The following PPP3CA variants were observed in gnomAD, a reference collection of about 807,000 sequenced individuals.
The protein encoded by PPP3CA is protein phosphatase 3 catalytic subunit alpha.
A neutral mutation model predicts 66.5 loss-of-function variants in PPP3CA; 14 were observed. That is an observed-to-expected ratio of 0.21 (90% CI 0.14 to 0.33). The LOEUF (loss-of-function observed/expected upper bound fraction) is 0.33. PPP3CA is among the 10% of genes least tolerant of loss of function. The probability of loss-of-function intolerance (pLI) is 1.00; values close to 1 mark genes in which losing one functional copy is unlikely to be tolerated. For missense variants in PPP3CA, 317 were observed against 639.5 expected, an observed-to-expected ratio of 0.50 and a Z score of 5.44; for synonymous variants, 232 against 226.2, an observed-to-expected ratio of 1.03 and a Z score of -0.23.
intron 3 of PPP3CA, among the ~76,000 whole-genome samples, chr4:101,101,481 G>A (rs1422625157): frequency 1.3e-5 from 2 of 152,074 alleles, no homozygotes; most frequent in Non-Finnish European, 2.9e-5. Context: ...CAAATTGGTC[G>A]TTAATTTAGG....
rs553389390 is a variant in PPP3CA at position 101,032,499 on chromosome 4, AT to A, written c.1242-136del. On this transcript the variant is annotated intron_variant, in intron 11 of 13. Transcript: ENST00000394854. Reference sequence around the variant, plus strand: ...TTGGCTCTCCGGATCTTTTTTTAAAATTTTTTTTAACATACTTTATTTTAAT... The same window carrying A: ...TTGGCTCTCCGGATCTTTTTTTAAAATTTTTTTAACATACTTTATTTTAAT... 2.3e-4 allele frequency: 153 copies of A among 677,392 alleles called. 1 individual carries two copies. Among genetic ancestry groups the A allele is most frequent in the East Asian group, 1.9e-3 (69 of 36,298 alleles). The allele number at this position is 677,392 out of a possible 1,614,324, so 42.0% of individuals were successfully genotyped here.
chr4:101,344,327 CTAA>C (rs1297353559), intron 1 of PPP3CA, among the ~76,000 whole-genome samples: 3 of 152,074 alleles, frequency 2.0e-5, no homozygotes, highest in East Asian at 1.9e-4. Flanking sequence ...TCTCAAATAA[CTAA>C]TAATAAAAAT....
At chr4:101,249,456 C>T (rs1468481070) in intron 1 of PPP3CA, among the ~76,000 whole-genome samples, 1 of 151,916 alleles carries the variant, frequency 6.6e-6, no homozygotes, top group East Asian at 1.9e-4. Context: ...GAAATTTTCA[C>T]CCATTGCAAA....
At position 101,250,698 on chromosome 4, in the gene PPP3CA, G is replaced by T. The variant is rs1481666652; in HGVS notation, c.59-54582C>A. 4.6e-5 allele frequency among the ~76,000 whole-genome samples: 7 copies of T among 152,166 alleles called. No individual in the cohort carries two copies. In the South Asian group the frequency reaches 1.5e-3, roughly 32 times the overall value. On this transcript the variant is annotated intron_variant, in intron 1 of 13. Coordinates refer to ENST00000394854, the MANE Select transcript of PPP3CA (RefSeq NM_000944.5). Reference sequence around the variant, plus strand: ...AATTAACATAATTAGCTACTTAGAAGTGACTTTAAAATAATTTTTCCATTC... The same window carrying T: ...AATTAACATAATTAGCTACTTAGAATTGACTTTAAAATAATTTTTCCATTC...
At chr4:101,187,336 G>T (rs954674660) in intron 2 of PPP3CA, among the ~76,000 whole-genome samples, 3 of 152,046 alleles carry the variant, frequency 2.0e-5, no homozygotes, top group African/African-American at 7.2e-5. Context: ...AAAAAAGTCT[G>T]TAAGATGGCT....
At chr4:101,338,469 C>G (rs910081629) in intron 1 of PPP3CA, among the ~76,000 whole-genome samples, 20 of 152,326 alleles carry the variant, frequency 1.3e-4, no homozygotes, top group African/African-American at 4.8e-4. Flanking sequence ...ATTCCTGTAA[C>G]AACTATGTAT....
intron 1 of PPP3CA, among the ~76,000 whole-genome samples, chr4:101,215,113 G>A (rs1181325599): frequency 6.6e-6 from 1 of 151,794 alleles, no homozygotes; most frequent in African/African-American, 2.4e-5. Flanking sequence ...AGTGTACCTT[G>A]AGGGAAATTC....
intron 2 of PPP3CA, among the ~76,000 whole-genome samples, chr4:101,137,892 A>G (rs1262655815): frequency 2.0e-5 from 3 of 151,848 alleles, no homozygotes; most frequent in Non-Finnish European, 4.4e-5. Flanking sequence ...CACAAAAAAA[A>G]AAAAAAACCT....
intron 1 of PPP3CA, among the ~76,000 whole-genome samples, chr4:101,225,452 C>T (rs781629659): frequency 5.3e-5 from 8 of 151,832 alleles, no homozygotes; most frequent in Non-Finnish European, 1.0e-4. Flanking sequence ...TAGTTCTTTA[C>T]AAGCCTTGGT....
At chr4:101,222,331 G>C (rs182952004) in intron 1 of PPP3CA, among the ~76,000 whole-genome samples, 1 of 151,458 alleles carries the variant, frequency 6.6e-6, no homozygotes, top group Non-Finnish European at 1.5e-5. Flanking sequence ...TTTCCCCACA[G>C]AATCAGATAT....
intron 1 of PPP3CA, among the ~76,000 whole-genome samples, chr4:101,280,556 A>C (rs1727646382): frequency 6.6e-6 from 1 of 152,196 alleles, no homozygotes; most frequent in Non-Finnish European, 1.5e-5. Flanking sequence ...GTGGTGGCTC[A>C]TGCCTGTAAT....
At chr4:101,091,391 C>T (rs149952036) in intron 6 of PPP3CA, among the ~76,000 whole-genome samples, 10 of 152,132 alleles carry the variant, frequency 6.6e-5, no homozygotes, top group South Asian at 2.1e-4. Flanking sequence ...TTATACCATG[C>T]GTCTTTAATT....
chr4:101,198,044 CT>C (rs749929282), intron 1 of PPP3CA, among the ~76,000 whole-genome samples: 1 of 151,966 alleles, frequency 6.6e-6, no homozygotes, highest in Non-Finnish European at 1.5e-5. Context: ...TTTTGAGTAG[CT>C]TATAGTACAA....
chr4:101,083,519 T>C (rs58136276), intron 6 of PPP3CA, among the ~76,000 whole-genome samples: 3,107 of 152,256 alleles, frequency 0.02, 272 homozygotes, highest in Admixed American at 0.15. Flanking sequence ...TATAAAACAT[T>C]AGGAAAGTGT....
At chr4:101,331,400 T>A (rs1339125101) in intron 1 of PPP3CA, among the ~76,000 whole-genome samples, 1 of 152,248 alleles carries the variant, frequency 6.6e-6, no homozygotes, top group African/African-American at 2.4e-5. Context: ...CCAGTCAATT[T>A]TTTTGTTGTA....
intron 1 of PPP3CA, among the ~76,000 whole-genome samples, chr4:101,229,974 A>C (rs1400206466): frequency 6.6e-6 from 1 of 151,678 alleles, no homozygotes; most frequent in African/African-American, 2.4e-5. Flanking sequence ...CTATATTTGG[A>C]ACCATTTATC....
rs543985388 is a variant in PPP3CA at position 101,322,522 on chromosome 4, T to TA, written c.58+24216_58+24217insT. Among the ~76,000 whole-genome samples, 1,135 of 151,950 alleles carry TA rather than the reference T, an allele frequency of 7.5e-3. 12 individuals carry two copies. The highest frequency in any genetic ancestry group is 0.026 in the African/African-American group (1,085 of 41,434). ...GCCTCCCGGGTTCAAGCGATTCTCG[T>TA]GCCTCAGCCTCCCAAGTAGCTGGGA... On this transcript the variant is annotated intron_variant, in intron 1 of 13. Transcript: ENST00000394854.
intron 7 of PPP3CA, 73 bp from the exon 8 acceptor site, chr4:101,080,699 T>G: frequency 2.3e-6 from 2 of 887,380 alleles, no homozygotes; most frequent in African/African-American, 1.7e-5. Flanking sequence ...GATTGAGAAA[T>G]AGAAAATTAG....
In PPP3CA at chr4:101,063,382, T is replaced by C. The variant is rs749531202; in HGVS notation, c.956-25A>G. 3.1e-6 allele frequency: 5 copies of C among 1,598,268 alleles called. No individual in the cohort carries two copies. In the South Asian group the frequency reaches 5.7e-5, roughly 18 times the overall value. On this transcript the variant is annotated intron_variant, in intron 8 of 13. Transcript: ENST00000394854. ...GCTAAAAATAACCAAAAGAGGATGT[T>C]AGGAACACAGAACATATTTCTGCTT...
Sources: gnomAD v4.1 joint callset for allele counts (sites outside exome capture counted in the v4.1 genomes callset) on GRCh38, gnomAD v4.1.1 for gene constraint, MANE v1.5 for transcripts, NCBI Gene and HGNC (gene_info 2026-07-23, HGNC 2026-07-21) for gene names.